Variants in JAZF1 observed in about 807,000 individuals in gnomAD.
The protein encoded by JAZF1 is JAZF zinc finger 1.
In JAZF1, 8 loss-of-function variants were observed where a neutral mutation model predicts 26.4. That is an observed-to-expected ratio of 0.30 (90% CI 0.18 to 0.55). The LOEUF (loss-of-function observed/expected upper bound fraction) is 0.55. Ranked by LOEUF, JAZF1 falls within the 20% of genes least tolerant of loss-of-function variation. JAZF1 has a pLI of 0.94. For synonymous variants in JAZF1, 126 were observed against 122.3 expected (o/e 1.03, Z -0.20); for missense variants, 199 against 322.0 (o/e 0.62, Z 2.92).
chr7:27,920,865 AT>A (rs1411959312), intron 2 of JAZF1, among the ~76,000 whole-genome samples: 3 of 152,208 alleles, frequency 2.0e-5, no homozygotes, highest in Admixed American at 2.0e-4. Context: ...ATTTTAATTA[AT>A]TTCCTAATGT....
intron 1 of JAZF1, among the ~76,000 whole-genome samples, chr7:28,120,755 A>C (rs1383339521): frequency 6.6e-6 from 1 of 152,036 alleles, no homozygotes; most frequent in African/African-American, 2.4e-5. Context: ...CCCAAGTGGG[A>C]GATTTGCTCA....
At chr7:28,161,086 T>C (rs1443586561) in intron 1 of JAZF1, among the ~76,000 whole-genome samples, 1 of 152,014 alleles carries the variant, frequency 6.6e-6, no homozygotes, top group Non-Finnish European at 1.5e-5. Flanking sequence ...GCTTCCTCGT[T>C]TGTAAATTGG....
chr7:28,180,450 C>T lies in JAZF1; in HGVS notation c.115+13G>A. On this transcript the variant is annotated intron_variant, in intron 1 of 4. Coordinates refer to ENST00000283928, the MANE Select transcript of JAZF1 (RefSeq NM_175061.4). The stretch of plus-strand genomic sequence containing the variant: ...GCGCGCCTGGCACCCCCGCCCACCC[C>T]CGGGCCATTTACCGATGTGGTTGTC... 3.7e-6 allele frequency: 6 copies of T among 1,606,532 alleles called. No homozygotes were observed. Among genetic ancestry groups the T allele is most frequent in the Non-Finnish European group, 4.3e-6 (5 of 1,175,178 alleles).
intron 1 of JAZF1, among the ~76,000 whole-genome samples, chr7:28,035,155 A>G (rs1007753185): frequency 1.3e-5 from 2 of 151,654 alleles, no homozygotes; most frequent in Non-Finnish European, 2.9e-5. Flanking sequence ...CATCTCTACT[A>G]AAAATACGAA....
At chr7:28,112,239 G>A (rs1583566965) in intron 1 of JAZF1, among the ~76,000 whole-genome samples, 1 of 152,200 alleles carries the variant, frequency 6.6e-6, no homozygotes, top group African/African-American at 2.4e-5. Flanking sequence ...AAAAGTTAGT[G>A]GAGGTGAAGT....
intron 2 of JAZF1, among the ~76,000 whole-genome samples, chr7:27,907,924 C>A (rs928126080): frequency 5.3e-5 from 8 of 152,160 alleles, no homozygotes; most frequent in Non-Finnish European, 8.8e-5. Flanking sequence ...CACTACAAAC[C>A]AATGAAGGTG....
intron 1 of JAZF1, among the ~76,000 whole-genome samples, chr7:28,006,766 A>C (rs1188663169): frequency 6.6e-6 from 1 of 152,164 alleles, no homozygotes; most frequent in Non-Finnish European, 1.5e-5. Flanking sequence ...GCTTCCCCTG[A>C]GTAGAAATAA....
At chr7:27,928,162 C>G (rs1182066088) in intron 2 of JAZF1, among the ~76,000 whole-genome samples, 1 of 152,140 alleles carries the variant, frequency 6.6e-6, no homozygotes, top group East Asian at 1.9e-4. Context: ...CTTCTCATAG[C>G]TTTTGGAAGT....
chr7:28,037,097 G>C (rs1380002594), intron 1 of JAZF1, among the ~76,000 whole-genome samples: 1 of 152,126 alleles, frequency 6.6e-6, no homozygotes, highest in African/African-American at 2.4e-5. Flanking sequence ...GGTACGTGCA[G>C]AACTTGCTTA....
intron 1 of JAZF1, among the ~76,000 whole-genome samples, chr7:28,116,550 T>C (rs1375767856): frequency 6.6e-6 from 1 of 151,978 alleles, no homozygotes; most frequent in Non-Finnish European, 1.5e-5. Flanking sequence ...GTTCAAGCAA[T>C]TCTCCTGCCT....
intron 1 of JAZF1, among the ~76,000 whole-genome samples, chr7:28,039,328 T>C (rs1783349844): frequency 6.6e-6 from 1 of 152,130 alleles, no homozygotes; most frequent in African/African-American, 2.4e-5. Context: ...TGTATTTATC[T>C]TGCAACCGGG....
At chr7:27,913,725 G>A (rs964193844) in intron 2 of JAZF1, among the ~76,000 whole-genome samples, 1 of 151,032 alleles carries the variant, frequency 6.6e-6, no homozygotes, top group African/African-American at 2.4e-5. Flanking sequence ...AGATACCTTG[G>A]CCATTTGCTT....
chr7:27,903,808 GCT>G (rs1050950635), intron 2 of JAZF1, among the ~76,000 whole-genome samples: 1 of 152,186 alleles, frequency 6.6e-6, no homozygotes, highest in Non-Finnish European at 1.5e-5. Flanking sequence ...GTTGCACAAG[GCT>G]CTGACTTCGT....
intron 1 of JAZF1, among the ~76,000 whole-genome samples, chr7:28,057,307 G>T (rs956893858): frequency 6.6e-6 from 1 of 152,168 alleles, no homozygotes; most frequent in African/African-American, 2.4e-5. Flanking sequence ...GGTTTTCAGA[G>T]ATTATCTATT....
intron 1 of JAZF1, among the ~76,000 whole-genome samples, chr7:28,154,652 A>C (rs1431572783): frequency 3.3e-5 from 5 of 152,094 alleles, no homozygotes; most frequent in African/African-American, 1.2e-4. Flanking sequence ...TGATCTTATT[A>C]ATCTATCACT....
rs1583603516 is a variant in JAZF1 at position 28,180,780 on chromosome 7, A to AGGC, written c.-206_-204dup. 2 of 95,970 alleles carry AGGC rather than the reference A, an allele frequency of 2.1e-5. No individual in the cohort carries two copies. Among genetic ancestry groups the AGGC allele is most frequent in the South Asian group, 3.1e-4 (1 of 3,184 alleles). 5.9% of individuals were successfully genotyped at this position (95,970 alleles called of 1,614,324 possible). On this transcript the variant is annotated 5_prime_UTR_variant, in exon 1 of 5. Coordinates refer to ENST00000283928, the MANE Select transcript of JAZF1 (RefSeq NM_175061.4). Reference sequence around the variant, plus strand: ...GAGGAGCCACCGGGAGGCAGAGGGGAGGCGGCGGCTGCGGCGGCGGCGTCG... The same window carrying AGGC: ...GAGGAGCCACCGGGAGGCAGAGGGGAGGCGGCGGCGGCTGCGGCGGCGGCGTCG...
chr7:27,955,651 A>G (rs1785076100), intron 2 of JAZF1, among the ~76,000 whole-genome samples: 1 of 152,222 alleles, frequency 6.6e-6, no homozygotes, highest in Non-Finnish European at 1.5e-5. Flanking sequence ...CCAGTCCCCA[A>G]ACCTGCTCAG....
At chr7:27,961,284 G>C (rs1245895427) in intron 2 of JAZF1, among the ~76,000 whole-genome samples, 1 of 152,184 alleles carries the variant, frequency 6.6e-6, no homozygotes, top group Non-Finnish European at 1.5e-5. Context: ...TTCAACTCAA[G>C]TAGTCTACCT....
At chr7:27,866,880 C>T (rs1783482717) in intron 3 of JAZF1, among the ~76,000 whole-genome samples, 1 of 152,166 alleles carries the variant, frequency 6.6e-6, no homozygotes, top group Non-Finnish European at 1.5e-5. Flanking sequence ...TCTCTCTGGC[C>T]TCGAGGTGCA....
Sources: allele counts gnomAD v4.1 joint callset (sites outside exome capture counted in the v4.1 genomes callset), GRCh38; gene constraint gnomAD v4.1.1; transcripts MANE v1.5; gene names NCBI Gene and HGNC (gene_info 2026-07-23, HGNC 2026-07-21).